The following ABLIM2 variants were observed in gnomAD, a reference collection of about 807,000 sequenced individuals.
ABLIM2 encodes actin binding LIM protein family member 2.
ABLIM2 carries 53 observed loss-of-function variants against 97.7 expected under a neutral mutation model. The ratio of observed to expected loss-of-function variants is 0.54; its 90% confidence interval spans 0.44 to 0.68. ABLIM2 has a LOEUF of 0.68. Ranked by LOEUF, ABLIM2 falls within the 30% of genes least tolerant of loss-of-function variation. The pLI is 0.00. For synonymous variants in ABLIM2, 361 were observed against 345.8 expected (o/e 1.04, Z -0.49); for missense variants, 835 against 867.2 (o/e 0.96, Z 0.47).
At position 8,148,603 on chromosome 4, in the gene ABLIM2, G is replaced by A. The variant is rs1394133367; in HGVS notation, c.10+10077C>T. Among the ~76,000 whole-genome samples the A allele has an allele frequency of 6.6e-6, 1 of 152,064 alleles. No homozygotes were observed. Among genetic ancestry groups the A allele is most frequent in the African/African-American group, 2.4e-5 (1 of 41,366 alleles). ...AAGGATTATAGGGTGAAAGCACATC[G>A]CGGTGCTGGGTCCACACTGGGGAAG... is the stretch of plus-strand genomic sequence containing the variant. On this transcript the variant is annotated intron_variant, in intron 1 of 20. Transcript: ENST00000447017. The surrounding 1 kb of genome is among the most constrained non-coding windows in gnomAD (Gnocchi z 6.7).
At chr4:8,103,512 G>C (rs1422876087) in intron 2 of ABLIM2, among the ~76,000 whole-genome samples, 1 of 152,254 alleles carries the variant, frequency 6.6e-6, no homozygotes, top group African/African-American at 2.4e-5. Flanking sequence ...CACAGAGTGA[G>C]ACTCTAACTG....
rs12646508 is a variant in ABLIM2, at chr4:8,083,316, T to C, written c.455-2514A>G. Among the ~76,000 whole-genome samples, 6,652 of 152,280 alleles carry C rather than the reference T, an allele frequency of 0.044. 276 individuals are homozygous for C. The highest frequency in any genetic ancestry group is 0.13 in the East Asian group (692 of 5,176). ...GCCCCTGGAATGAGGGCACGTGTGA[T>C]CCGTGAATAAATGCACACACGTTGA... On this transcript the variant is annotated intron_variant, in intron 4 of 20. Transcript: ENST00000447017. The surrounding 1 kb of genome is among the most constrained non-coding windows in gnomAD (Gnocchi z 4.6).
chr4:8,106,421 C>G, intron 2 of ABLIM2, 73 bp downstream of exon 2: 1 of 1,548,680 alleles, frequency 6.5e-7, no homozygotes, highest in Non-Finnish European at 8.7e-7. Context: ...TCCCAGGAGG[C>G]TTTGCGGGCC....
Position 8,077,646 on chromosome 4 carries a change from G to A in ABLIM2, c.657C>T (p.Ile219=). Residue 219 remains isoleucine (I), a synonymous_variant, in exon 6 of 21, where the codon ATC becomes ATT. Transcript: ENST00000447017. The part of the protein sequence containing the change: ...GIRCDSCEKY[I]TGRVLEAGEK... Reference sequence around the variant, plus strand: ...CGCTTACCTCCAGCACGCGCCCCGTGATGTATTTCTCACAGCTGTCACAGC... The same window carrying A: ...CGCTTACCTCCAGCACGCGCCCCGTAATGTATTTCTCACAGCTGTCACAGC... 6.2e-7 allele frequency: 1 copy of A among 1,612,038 alleles called. No individual in the cohort carries two copies. Among genetic ancestry groups the A allele is most frequent in the Non-Finnish European group, 8.5e-7 (1 of 1,179,032 alleles).
intron 17 of ABLIM2, among the ~76,000 whole-genome samples, chr4:7,989,854 ATGG>A (rs1747262241): frequency 6.6e-6 from 1 of 152,208 alleles, no homozygotes; most frequent in South Asian, 2.1e-4. Context: ...TAACAGACAC[ATGG>A]TATGCATCAG....
At chr4:8,041,966 AACAACAAC>A (rs1376500421) in intron 9 of ABLIM2, among the ~76,000 whole-genome samples, 14 of 152,002 alleles carry the variant, frequency 9.2e-5, no homozygotes, top group African/African-American at 3.4e-4. Flanking sequence ...TGCAGGTTCC[AACAACAAC>A]AGCAGCAACA....
At chr4:8,133,893 G>A (rs570552182) in intron 1 of ABLIM2, among the ~76,000 whole-genome samples, 15 of 152,312 alleles carry the variant, frequency 9.8e-5, no homozygotes, top group African/African-American at 3.4e-4. Flanking sequence ...ACTAACACCA[G>A]TGCATTCGTC....
rs1753108920 is a variant in ABLIM2, at chr4:7,996,065, G to C, written c.1619-3138C>G. On this transcript the variant is annotated intron_variant, in intron 16 of 20. Coordinates refer to ENST00000447017, the MANE Select transcript of ABLIM2 (RefSeq NM_001130083.2). The surrounding 1 kb of genome is among the most constrained non-coding windows in gnomAD (Gnocchi z 4.5). Reference sequence around the variant, plus strand: ...CATGCCCAGAGCCAGGCATGCTCTGGGAGCCCGAGGGCCCCTCCAGCTGCA... The same window carrying C: ...CATGCCCAGAGCCAGGCATGCTCTGCGAGCCCGAGGGCCCCTCCAGCTGCA... Among the ~76,000 whole-genome samples the C allele has an allele frequency of 6.6e-6, 1 of 152,158 alleles. No homozygotes were observed.
rs934565494 is a variant in ABLIM2 at position 8,087,554 on chromosome 4, G to C, written c.454+615C>G. ...CTACAGGTTCCCCCAAAGGGGTCCC[G>C]GGTGGCCTGGAATTAACAGAGGGGA... On this transcript the variant is annotated intron_variant, in intron 4 of 20. Coordinates refer to ENST00000447017, the MANE Select transcript of ABLIM2 (RefSeq NM_001130083.2). The surrounding 1 kb of genome is among the most constrained non-coding windows in gnomAD (Gnocchi z 4.6). Among the ~76,000 whole-genome samples the C allele has an allele frequency of 1.3e-5, 2 of 152,174 alleles. No homozygotes were observed. Among genetic ancestry groups the C allele is most frequent in the African/African-American group, 4.8e-5 (2 of 41,430 alleles).
In ABLIM2 at chr4:8,106,736, C is replaced by T. The variant is rs879011442; in HGVS notation, c.11-99G>A. On this transcript the variant is annotated intron_variant, in intron 1 of 20. Coordinates refer to ENST00000447017, the MANE Select transcript of ABLIM2 (RefSeq NM_001130083.2). ...GAGGACGCACAGCTGACCCTGCCAGCGGGCCCCGCACCCACCAGCACGAGC... is the reference window on the plus strand; with the variant it reads ...GAGGACGCACAGCTGACCCTGCCAGTGGGCCCCGCACCCACCAGCACGAGC... 92 of 1,430,118 alleles carry T rather than the reference C, an allele frequency of 6.4e-5. No individual in the cohort carries two copies. In the South Asian group the frequency reaches 1.0e-3, roughly 16 times the overall value. The allele number at this position is 1,430,118 out of a possible 1,614,324, so 88.6% of individuals were successfully genotyped here.
Position 8,150,012 on chromosome 4 carries a change from C to A in ABLIM2, c.10+8668G>T, listed in dbSNP as rs986543551. Among the ~76,000 whole-genome samples the A allele has an allele frequency of 6.6e-6, 1 of 152,058 alleles. No individual in the cohort carries two copies. Among genetic ancestry groups the A allele is most frequent in the African/African-American group, 2.4e-5 (1 of 41,414 alleles). ...ACACCTCCCTCGTGCTTCCTGGGGTCACCTCCTAGGTAAACCACCTGCACC... is the reference window on the plus strand; with the variant it reads ...ACACCTCCCTCGTGCTTCCTGGGGTAACCTCCTAGGTAAACCACCTGCACC... On this transcript the variant is annotated intron_variant, in intron 1 of 20. Coordinates refer to ENST00000447017, the MANE Select transcript of ABLIM2 (RefSeq NM_001130083.2). The surrounding 1 kb of genome is among the most constrained non-coding windows in gnomAD (Gnocchi z 6.3).
chr4:8,099,759 G>GCCACCAT (rs1833564866), intron 2 of ABLIM2, among the ~76,000 whole-genome samples: 1 of 152,070 alleles, frequency 6.6e-6, no homozygotes, highest in South Asian at 2.1e-4. Context: ...GCAGGAGGAT[G>GCCACCAT]GCATGAACCT....
At chr4:8,105,924 G>T (rs1230567518) in intron 2 of ABLIM2, among the ~76,000 whole-genome samples, 3 of 151,730 alleles carry the variant, frequency 2.0e-5, no homozygotes, top group African/African-American at 7.3e-5. Flanking sequence ...CCCGGTTGGT[G>T]GGGCCTCACG....
At chr4:8,073,399 C>G (rs1361796660) in intron 6 of ABLIM2, among the ~76,000 whole-genome samples, 1 of 151,702 alleles carries the variant, frequency 6.6e-6, no homozygotes, top group African/African-American at 2.4e-5. Context: ...AAGGTCTGGG[C>G]TGTTCTTCGC....
chr4:8,130,480 C>A lies in ABLIM2; in HGVS notation c.11-23843G>T, dbSNP rs1282890162. Among the ~76,000 whole-genome samples the A allele has an allele frequency of 6.6e-6, 1 of 152,182 alleles. No homozygotes were observed. Among genetic ancestry groups the A allele is most frequent in the Non-Finnish European group, 1.5e-5 (1 of 68,036 alleles). On this transcript the variant is annotated intron_variant, in intron 1 of 20. Transcript: ENST00000447017. The surrounding 1 kb of genome is among the most constrained non-coding windows in gnomAD (Gnocchi z 4.2). ...GTGGACGCCGGCGCCGGGCACTGAT[C>A]TGGGCCTTTCCACAGCTTTTTAGAA... is the stretch of plus-strand genomic sequence containing the variant.
intron 5 of ABLIM2, 125 bp downstream of exon 5, chr4:8,080,551 G>A: frequency 8.9e-7 from 1 of 1,128,204 alleles, no homozygotes; most frequent in Non-Finnish European, 1.2e-6. Context: ...CAGGGCAGTA[G>A]TAGCTGTGTG....
intron 2 of ABLIM2, among the ~76,000 whole-genome samples, chr4:8,101,589 C>T (rs1361351999): frequency 1.3e-5 from 2 of 152,210 alleles, no homozygotes; most frequent in African/African-American, 4.8e-5. Flanking sequence ...CTTACATGCG[C>T]AGCTCACGGG....
intron 2 of ABLIM2, among the ~76,000 whole-genome samples, chr4:8,100,515 G>T (rs1471741425): frequency 6.6e-6 from 1 of 152,130 alleles, no homozygotes; most frequent in Admixed American, 6.5e-5. Context: ...GGGAGGCTGA[G>T]GGGGGCGGAT....
rs1754854980 is a variant in ABLIM2, at chr4:7,998,412, C to T, written c.1619-5485G>A. The stretch of plus-strand genomic sequence containing the variant: ...GACAATTTGCTTTTCAGAATGCTTG[C>T]TGAAGTGCTATTCTGGTCTGCTAAA... On this transcript the variant is annotated intron_variant, in intron 16 of 20. Transcript: ENST00000447017. This position sits in a 1 kb window ranked among gnomAD's most constrained non-coding sequence, Gnocchi z 6.4. Among the ~76,000 whole-genome samples the T allele has an allele frequency of 6.6e-6, 1 of 152,094 alleles. No homozygotes were observed. The highest frequency in any genetic ancestry group is 2.4e-5 in the African/African-American group (1 of 41,396).
Sources: gnomAD v4.1 joint callset for allele counts (sites outside exome capture counted in the v4.1 genomes callset) on GRCh38, gnomAD v4.1.1 for gene constraint, Gnocchi (gnomAD v3.1) non-coding constraint, MANE v1.5 for transcripts, NCBI Gene and HGNC (gene_info 2026-07-23, HGNC 2026-07-21) for gene names.